The following ARHGAP42 variants were observed in gnomAD, a reference collection of about 807,000 sequenced individuals.
The protein encoded by ARHGAP42 is rho GTPase-activating protein 42.
Under a neutral mutation model 125.0 loss-of-function variants are expected in ARHGAP42, and 63 were observed. That is an observed-to-expected ratio of 0.50 (90% confidence interval 0.41 to 0.62). The LOEUF (loss-of-function observed/expected upper bound fraction) is 0.62, where lower values mean the gene tolerates loss of function less well. Ranked by LOEUF, ARHGAP42 falls within the 20% of genes least tolerant of loss-of-function variation. The probability of loss-of-function intolerance (pLI) is 0.00; values close to 1 mark genes in which losing one functional copy is unlikely to be tolerated. For synonymous variants in ARHGAP42, 339 were observed against 351.0 expected, an observed-to-expected ratio of 0.97 and a Z score of 0.38; for missense variants, 766 against 1,024.2, an observed-to-expected ratio of 0.75 and a Z score of 3.44.
At chr11:100,920,016 T>G (rs1266467307) in intron 5 of ARHGAP42, among the ~76,000 whole-genome samples, 3 of 152,204 alleles carry the variant, frequency 2.0e-5, no homozygotes, top group Admixed American at 1.3e-4. Flanking sequence ...TTAATTCTTA[T>G]GTATATAGTG....
At chr11:100,834,285 G>A (rs915007883) in intron 3 of ARHGAP42, among the ~76,000 whole-genome samples, 6 of 152,194 alleles carry the variant, frequency 3.9e-5, no homozygotes, top group African/African-American at 1.4e-4. Flanking sequence ...TATAGCTACT[G>A]TATTATGCTT....
At chr11:100,976,668 G>A in intron 20 of ARHGAP42, 147 bp from the exon 21 acceptor site, 1 of 1,119,690 alleles carries the variant, frequency 8.9e-7, no homozygotes, top group South Asian at 1.7e-5. Flanking sequence ...ATCTCCCCAA[G>A]TGATGGGTTG....
chr11:100,882,268 T>C (rs972398027), intron 4 of ARHGAP42, among the ~76,000 whole-genome samples: 2 of 152,226 alleles, frequency 1.3e-5, no homozygotes, highest in Non-Finnish European at 2.9e-5. Flanking sequence ...CTATGTCCCT[T>C]GTATGCCAAT....
chr11:100,698,399 A>G (rs925836766), intron 1 of ARHGAP42, among the ~76,000 whole-genome samples: 1 of 152,198 alleles, frequency 6.6e-6, no homozygotes, highest in Non-Finnish European at 1.5e-5. Flanking sequence ...TGAGCCCAGG[A>G]GGTCCGCGCT....
intron 1 of ARHGAP42, among the ~76,000 whole-genome samples, chr11:100,734,424 C>A (rs1030260836): frequency 6.6e-6 from 1 of 152,052 alleles, no homozygotes; most frequent in Non-Finnish European, 1.5e-5. Flanking sequence ...GGATTACAGG[C>A]ATGCGCCACC....
intron 2 of ARHGAP42, among the ~76,000 whole-genome samples, chr11:100,780,223 T>C (rs1303065687): frequency 1.3e-5 from 2 of 152,112 alleles, no homozygotes; most frequent in Non-Finnish European, 2.9e-5. Flanking sequence ...GATAAGGTGG[T>C]AAACCCCTTT....
intron 19 of ARHGAP42, 132 bp from the exon 20 acceptor site, chr11:100,975,925 A>T: frequency 1.0e-6 from 1 of 952,736 alleles, no homozygotes; most frequent in Non-Finnish European, 1.5e-6. Context: ...CGTACTAGGT[A>T]GGGGCCTACC....
At chr11:100,983,718 A>T (rs1428893060) in intron 22 of ARHGAP42, among the ~76,000 whole-genome samples, 1 of 152,244 alleles carries the variant, frequency 6.6e-6, no homozygotes, top group Non-Finnish European at 1.5e-5. Context: ...AAGCAGCTTT[A>T]ACTCTACAGG....
At chr11:100,789,296 T>A (rs546901157) in intron 2 of ARHGAP42, among the ~76,000 whole-genome samples, 1 of 152,244 alleles carries the variant, frequency 6.6e-6, no homozygotes, top group African/African-American at 2.4e-5. Context: ...CCTAGAGATA[T>A]AACAACATCT....
chr11:100,967,784 G>A (rs1336535561), intron 17 of ARHGAP42, among the ~76,000 whole-genome samples: 2 of 152,120 alleles, frequency 1.3e-5, no homozygotes, highest in East Asian at 3.9e-4. Flanking sequence ...CGCGATCTGG[G>A]CCTACTGCAA....
At chr11:100,830,781 G>GA (rs1345526696) in intron 3 of ARHGAP42, among the ~76,000 whole-genome samples, 2 of 152,112 alleles carry the variant, frequency 1.3e-5, no homozygotes, top group Admixed American at 1.3e-4. Flanking sequence ...GCATTGTTGG[G>GA]AGATGGAGTA....
chr11:100,930,144 T>C (rs1233866425), intron 6 of ARHGAP42, among the ~76,000 whole-genome samples: 1 of 152,220 alleles, frequency 6.6e-6, no homozygotes, highest in South Asian at 2.1e-4. Context: ...GTTACTGTTA[T>C]TATTTTAAAG....
intron 1 of ARHGAP42, among the ~76,000 whole-genome samples, chr11:100,755,314 G>A (rs1212304078): frequency 6.6e-6 from 1 of 152,160 alleles, no homozygotes; most frequent in Non-Finnish European, 1.5e-5. Flanking sequence ...ATCACAATGG[G>A]CTGGGTCCCT....
At chr11:100,720,724 T>G (rs571960738) in intron 1 of ARHGAP42, among the ~76,000 whole-genome samples, 1 of 152,164 alleles carries the variant, frequency 6.6e-6, no homozygotes, top group African/African-American at 2.4e-5. Flanking sequence ...TAATATTCAT[T>G]GAACACATAT....
intron 4 of ARHGAP42, among the ~76,000 whole-genome samples, chr11:100,865,124 T>A (rs1865538532): frequency 6.6e-6 from 1 of 152,230 alleles, no homozygotes; most frequent in African/African-American, 2.4e-5. Flanking sequence ...TTATATTGTT[T>A]TCATGTTGAA....
At chr11:100,794,604 A>G (rs1475701645) in intron 2 of ARHGAP42, among the ~76,000 whole-genome samples, 1 of 152,220 alleles carries the variant, frequency 6.6e-6, no homozygotes, top group Non-Finnish European at 1.5e-5. Context: ...CCTTCAGTAT[A>G]TGGAAGCTGT....
chr11:100,701,143 C>CT lies in ARHGAP42; in HGVS notation c.154+13328dup, dbSNP rs200859842. 8.8e-3 allele frequency among the ~76,000 whole-genome samples: 1,214 copies of CT among 138,700 alleles called. 1 individual carries two copies. The highest frequency in any genetic ancestry group is 0.011 in the Non-Finnish European group (729 of 63,524). 91.0% of individuals were successfully genotyped at this position (138,700 alleles called of 152,430 possible). ...ATGAGCAGTAATATTGTAAAATGAACTTTTTTTTTTTTTTTTTCTGAGCAA... is the reference window on the plus strand; with the variant it reads ...ATGAGCAGTAATATTGTAAAATGAACTTTTTTTTTTTTTTTTTTCTGAGCAA... On this transcript the variant is annotated intron_variant, in intron 1 of 23. Transcript: ENST00000298815.
intron 22 of ARHGAP42, 45 bp downstream of exon 22, chr11:100,979,094 C>T: frequency 1.3e-6 from 2 of 1,534,534 alleles, no homozygotes; most frequent in South Asian, 2.4e-5. Flanking sequence ...AAAGTGGTGA[C>T]ATTGTTGCTT....
At chr11:100,902,065 A>G (rs1189998870) in intron 4 of ARHGAP42, among the ~76,000 whole-genome samples, 1 of 152,172 alleles carries the variant, frequency 6.6e-6, no homozygotes, top group Non-Finnish European at 1.5e-5. Flanking sequence ...TTCTTTTTTA[A>G]TAAAACTAGC....
Sources: allele counts gnomAD v4.1 joint callset (sites outside exome capture counted in the v4.1 genomes callset), GRCh38; gene constraint gnomAD v4.1.1; transcripts MANE v1.5; gene names NCBI Gene and HGNC (gene_info 2026-07-23, HGNC 2026-07-21).